The following CRB1 variants were observed in gnomAD, a reference collection of about 807,000 sequenced individuals.
The protein encoded by CRB1 is crumbs cell polarity complex component 1.
A neutral mutation model predicts 120.0 loss-of-function variants in CRB1; 83 were observed. The ratio of observed to expected loss-of-function variants is 0.69; its 90% CI spans 0.58 to 0.83. The LOEUF (loss-of-function observed/expected upper bound fraction) is 0.83. Ranked by LOEUF, CRB1 falls within the 40% of genes least tolerant of loss-of-function variation. The pLI, the probability that CRB1 is intolerant of heterozygous loss-of-function variation, is 0.00. For synonymous variants in CRB1, 625 were observed against 612.5 expected (o/e 1.02, Z -0.30); for missense variants, 1,699 against 1,687.6 (o/e 1.01, Z -0.12).
intron 5 of CRB1, among the ~76,000 whole-genome samples, chr1:197,366,665 G>A (rs1291302489): frequency 6.6e-6 from 1 of 152,114 alleles, no homozygotes; most frequent in Non-Finnish European, 1.5e-5. Flanking sequence ...ATGAAAACAG[G>A]AACTCAAGGA....
At chr1:197,314,462 G>A (rs1296993357) in intron 1 of CRB1, among the ~76,000 whole-genome samples, 2 of 152,018 alleles carry the variant, frequency 1.3e-5, no homozygotes, top group East Asian at 3.9e-4. Context: ...TTAAGTTCTT[G>A]CAAGCTAATT....
intron 1 of CRB1, among the ~76,000 whole-genome samples, chr1:197,303,823 G>T (rs1383367707): frequency 6.6e-6 from 1 of 152,006 alleles, no homozygotes; most frequent in Non-Finnish European, 1.5e-5. Context: ...AAAAAATGCT[G>T]TTGAAAACAT....
chr1:197,316,353 T>A (rs1464393172), intron 1 of CRB1, among the ~76,000 whole-genome samples: 10 of 151,328 alleles, frequency 6.6e-5, no homozygotes, highest in Admixed American at 4.0e-4. Flanking sequence ...CCCGGCTGAT[T>A]TTTTGTATTT....
At chr1:197,474,820 C>T (rs1667131230) in intron 11 of CRB1, among the ~76,000 whole-genome samples, 1 of 152,162 alleles carries the variant, frequency 6.6e-6, no homozygotes, top group African/African-American at 2.4e-5. Flanking sequence ...AAGATGAAAT[C>T]AACATCTAAG....
Position 197,421,335 on chromosome 1 carries a change from A to G in CRB1, c.1507A>G (p.Thr503Ala), listed in dbSNP as rs375590765. ...GTGGGTCAAAAGTGGCTCAGTGACAACCAAGGGCTCAGTTTGTAACATAGC... is the reference window on the plus strand; with the variant it reads ...GTGGGTCAAAAGTGGCTCAGTGACAGCCAAGGGCTCAGTTTGTAACATAGC... ...FLWVKSGSVT[T>A]KGSVCNIALR... Residue 503 changes from threonine to alanine, a missense_variant, in exon 6 of 12, where the codon ACC becomes GCC. Thr to Ala is a moderately conservative substitution (Grantham distance 58, BLOSUM62 0). Coordinates refer to ENST00000367400, the MANE Select transcript of CRB1 (RefSeq NM_201253.3). 3.4e-5 allele frequency: 55 copies of G among 1,614,088 alleles called. No homozygotes were observed. Among genetic ancestry groups the G allele is most frequent in the Non-Finnish European group, 4.6e-5 (54 of 1,180,048 alleles).
rs184642050 is a variant in CRB1, at chr1:197,275,821, A to G, written c.70+7339A>G. On this transcript the variant is annotated intron_variant, in intron 1 of 11. Coordinates refer to ENST00000367400, the MANE Select transcript of CRB1 (RefSeq NM_201253.3). Reference sequence around the variant, plus strand: ...AAAAGATTACTTTCCTTTATTATTGATTCAAAACAGTGATTGCAAGTTATT... The same window carrying G: ...AAAAGATTACTTTCCTTTATTATTGGTTCAAAACAGTGATTGCAAGTTATT... 1.3e-3 allele frequency among the ~76,000 whole-genome samples: 193 copies of G among 152,104 alleles called. 1 individual carries two copies. Among genetic ancestry groups the G allele is most frequent in the African/African-American group, 2.5e-3 (102 of 41,520 alleles).
At chr1:197,359,757 T>C (rs1217973632) in intron 5 of CRB1, among the ~76,000 whole-genome samples, 10 of 152,214 alleles carry the variant, frequency 6.6e-5, no homozygotes. Flanking sequence ...CTCACCAGCA[T>C]TTAATGTTAT....
intron 5 of CRB1, among the ~76,000 whole-genome samples, chr1:197,405,161 A>C (rs1459319290): frequency 6.6e-6 from 1 of 151,776 alleles, no homozygotes; most frequent in Non-Finnish European, 1.5e-5. Context: ...ATCTCGGCTC[A>C]CTGCAACCTC....
intron 5 of CRB1, among the ~76,000 whole-genome samples, chr1:197,384,363 GC>G (rs1342972265): frequency 1.3e-5 from 2 of 152,078 alleles, no homozygotes; most frequent in Non-Finnish European, 2.9e-5. Flanking sequence ...TGATCCAAAG[GC>G]TTGGACCCAC....
At chr1:197,454,522 G>T (rs148345585) in intron 11 of CRB1, among the ~76,000 whole-genome samples, 13 of 152,172 alleles carry the variant, frequency 8.5e-5, no homozygotes, top group African/African-American at 2.6e-4. Flanking sequence ...ATGCAACATA[G>T]GTTTTTCCCG....
At chr1:197,344,584 G>T (rs575134109) in intron 3 of CRB1, 108 bp downstream of exon 3, 4 of 1,058,928 alleles carry the variant, frequency 3.8e-6, no homozygotes, top group Non-Finnish European at 5.9e-6. Flanking sequence ...AAAATTTGGG[G>T]TGTAACTTTA....
Position 197,421,681 on chromosome 1 carries a change from T to C in CRB1, c.1853T>C (p.Val618Ala), listed in dbSNP as rs1352877254. 1.9e-6 allele frequency: 3 copies of C among 1,614,164 alleles called. No individual in the cohort carries two copies. Among genetic ancestry groups the C allele is most frequent in the East Asian group, 2.2e-5 (1 of 44,884 alleles). ...FQNSFLGGLP[V>A]GMTSNGVALL... The stretch of plus-strand genomic sequence containing the variant: ...AACTCCTTTTTGGGTGGTTTACCAG[T>C]GGGAATGACCAGCAATGGTGTTGCT... The change falls in exon 6 of 12, where the codon GTG becomes GCG. Residue 618 changes from valine (V) to alanine (A), a missense_variant. Transcript: ENST00000367400.
chr1:197,334,006 A>G (rs1290089572), intron 2 of CRB1, among the ~76,000 whole-genome samples: 1 of 152,268 alleles, frequency 6.6e-6, no homozygotes, highest in African/African-American at 2.4e-5. Context: ...TTGTCAACTT[A>G]ATAAGCTTAC....
the CRB1 span, among the ~76,000 whole-genome samples, chr1:197,215,473 C>T: frequency 1.3e-5 from 2 of 152,050 alleles, no homozygotes; most frequent in Admixed American, 1.3e-4. Context: ...GACAGGGTTT[C>T]TCCATGTTGG....
intron 5 of CRB1, among the ~76,000 whole-genome samples, chr1:197,401,691 G>A (rs1021109921): frequency 3.3e-5 from 5 of 151,944 alleles, no homozygotes; most frequent in Non-Finnish European, 7.4e-5. Flanking sequence ...ACTATTTTAT[G>A]CTATTTAACT....
intron 2 of CRB1, among the ~76,000 whole-genome samples, chr1:197,339,377 G>C (rs17552989): frequency 1.3e-5 from 2 of 152,026 alleles, no homozygotes; most frequent in South Asian, 4.2e-4. Context: ...TTGTGTCACC[G>C]ACTTGCACTG....
At chr1:197,425,494 T>C (rs1558129745) in intron 6 of CRB1, among the ~76,000 whole-genome samples, 1 of 152,184 alleles carries the variant, frequency 6.6e-6, no homozygotes, top group Admixed American at 6.5e-5. Context: ...TGCTGAAATA[T>C]GCTCTTTTTT....
intron 5 of CRB1, among the ~76,000 whole-genome samples, chr1:197,405,219 G>T (rs1472396976): frequency 2.6e-5 from 4 of 152,148 alleles, no homozygotes; most frequent in Non-Finnish European, 4.4e-5. Flanking sequence ...GCGATTGCAG[G>T]CGCGCGCCGC....
chr1:197,453,314 TATATATA>T lies in CRB1; in HGVS notation c.4005+11026_4005+11032del, dbSNP rs918579668. Among the ~76,000 whole-genome samples, 6 of 18,524 alleles carry T rather than the reference TATATATA, an allele frequency of 3.2e-4. No individual in the cohort carries two copies. The Admixed American group carries it at 3.6e-3, about 11-fold the overall frequency. The allele number at this position is 18,524 out of a possible 152,430, so 12.2% of individuals were successfully genotyped here. A position where few individuals can be genotyped will look rare whatever the true frequency, so the allele number is the denominator to read the frequency against. ...AAATTAGTATATAAGTATATATATT[TATATATA>T]ATAAGTATATATAATTAAATTAGTA... is the stretch of plus-strand genomic sequence containing the variant. On this transcript the variant is annotated intron_variant, in intron 11 of 11. Coordinates refer to ENST00000367400, the MANE Select transcript of CRB1 (RefSeq NM_201253.3).
Sources: allele counts gnomAD v4.1 joint callset (sites outside exome capture counted in the v4.1 genomes callset), GRCh38; gene constraint gnomAD v4.1.1; transcripts MANE v1.5; gene names NCBI Gene and HGNC (gene_info 2026-07-23, HGNC 2026-07-21).